The following SBF2 variants were observed in gnomAD, a reference collection of about 807,000 sequenced individuals.
SBF2 encodes the protein myotubularin-related protein 13.
SBF2 carries 112 observed loss-of-function variants against 225.2 expected under a neutral mutation model. The observed-to-expected ratio is 0.50, with a 90% CI of 0.43 to 0.58. SBF2 has a LOEUF of 0.58. Ranked by LOEUF, SBF2 falls within the 20% of genes least tolerant of loss-of-function variation. The probability of loss-of-function intolerance (pLI) is 0.00; values close to 1 mark genes in which losing one functional copy is unlikely to be tolerated. For synonymous variants in SBF2, 763 were observed against 773.3 expected, an observed-to-expected ratio of 0.99 and a Z score of 0.22; for missense variants, 1,996 against 2,206.2, an observed-to-expected ratio of 0.90 and a Z score of 1.91.
In SBF2 at chr11:9,976,558, G is replaced by A. The variant is rs377692041; in HGVS notation, c.1396-8013C>T. Among the ~76,000 whole-genome samples, 14 of 152,094 alleles carry A rather than the reference G, an allele frequency of 9.2e-5. No homozygotes were observed. In the South Asian group the frequency reaches 2.3e-3, roughly 25 times the overall value. On this transcript the variant is annotated intron_variant, in intron 13 of 39. Coordinates refer to ENST00000256190, the MANE Select transcript of SBF2 (RefSeq NM_030962.4). ...GCTGTAGTGCATTATGTTTATGCCC[G>A]TGAATAGCCACTGTACTTCAGCCTG...
intron 17 of SBF2, among the ~76,000 whole-genome samples, chr11:9,893,964 G>A (rs1861039456): frequency 6.6e-6 from 1 of 152,144 alleles, no homozygotes; most frequent in Non-Finnish European, 1.5e-5. Context: ...TAAAATTTCT[G>A]GTCAGGCGTG....
At chr11:9,963,633 T>C in intron 15 of SBF2, 140 bp downstream of exon 15, 1 of 613,786 alleles carries the variant, frequency 1.6e-6, no homozygotes, top group Non-Finnish European at 2.9e-6. Flanking sequence ...ACACTATTCA[T>C]TTAAAATGAT....
intron 6 of SBF2, among the ~76,000 whole-genome samples, chr11:10,010,534 G>T (rs192902329): frequency 6.6e-6 from 1 of 152,304 alleles, no homozygotes; most frequent in African/African-American, 2.4e-5. Flanking sequence ...GTTTGTCAAA[G>T]ATCAGATGGT....
intron 2 of SBF2, among the ~76,000 whole-genome samples, chr11:10,074,121 T>C (rs1445156969): frequency 6.6e-6 from 1 of 152,180 alleles, no homozygotes; most frequent in East Asian, 1.9e-4. Flanking sequence ...TTGAGGCCAG[T>C]AGGTAGACAG....
chr11:10,023,392 C>A (rs927091680), intron 6 of SBF2, among the ~76,000 whole-genome samples: 2 of 152,102 alleles, frequency 1.3e-5, no homozygotes, highest in African/African-American at 2.4e-5. Flanking sequence ...ATTCTCATAC[C>A]ATAAATTCCC....
At chr11:9,844,068 T>C (rs1856366953) in intron 24 of SBF2, among the ~76,000 whole-genome samples, 1 of 152,228 alleles carries the variant, frequency 6.6e-6, no homozygotes, top group Non-Finnish European at 1.5e-5. Flanking sequence ...TGATAGTTTC[T>C]AAATGTAAAA....
chr11:9,830,745 C>CAAAAAAAAAAAAAAAA (rs553674434), intron 27 of SBF2, among the ~76,000 whole-genome samples: 1 of 111,092 alleles, frequency 9.0e-6, no homozygotes. Flanking sequence ...AGCTCAAAAA[C>CAAAAAAAAAAAAAAAA]AAAAAAAAAA....
At chr11:10,267,598 CT>C (rs1320875295) in intron 1 of SBF2, among the ~76,000 whole-genome samples, 3 of 150,908 alleles carry the variant, frequency 2.0e-5, no homozygotes, top group African/African-American at 7.3e-5. Context: ...TCTTTTCTTT[CT>C]TTTTTTTTGA....
intron 13 of SBF2, among the ~76,000 whole-genome samples, chr11:9,984,800 T>C (rs1451189963): frequency 6.6e-6 from 1 of 152,110 alleles, no homozygotes; most frequent in Non-Finnish European, 1.5e-5. Flanking sequence ...GAAACAATTA[T>C]CAGCCAAGAA....
At chr11:10,131,008 CA>C (rs1337267418) in intron 2 of SBF2, among the ~76,000 whole-genome samples, 1 of 152,034 alleles carries the variant, frequency 6.6e-6, no homozygotes, top group Non-Finnish European at 1.5e-5. Flanking sequence ...GGATTCTGTG[CA>C]GAAATAAATT....
chr11:10,256,862 T>A (rs1960907023), intron 1 of SBF2, among the ~76,000 whole-genome samples: 1 of 152,196 alleles, frequency 6.6e-6, no homozygotes, highest in Admixed American at 6.5e-5. Flanking sequence ...GACCCAGTAT[T>A]TATCCCATAT....
intron 16 of SBF2, among the ~76,000 whole-genome samples, chr11:9,908,969 T>C (rs1862355187): frequency 6.6e-6 from 1 of 152,052 alleles, no homozygotes; most frequent in South Asian, 2.1e-4. Context: ...ATTACAGATG[T>C]GAGCCATCAT....
chr11:9,839,755 AG>A (rs1346242301), intron 25 of SBF2, 59 bp from the exon 26 acceptor site: 2 of 1,493,102 alleles, frequency 1.3e-6, no homozygotes, highest in Non-Finnish European at 1.9e-6. Flanking sequence ...TGAGGTCTTC[AG>A]GGTAGTACCT....
chr11:9,888,186 C>T (rs1435861165), intron 17 of SBF2, among the ~76,000 whole-genome samples: 1 of 152,230 alleles, frequency 6.6e-6, no homozygotes, highest in Non-Finnish European at 1.5e-5. Context: ...ATTTTGAAAA[C>T]TATGTTCCCT....
intron 2 of SBF2, among the ~76,000 whole-genome samples, chr11:10,140,215 T>G (rs57761181): frequency 0.25 from 38,703 of 152,002 alleles, 5,083 homozygotes; most frequent in Middle Eastern, 0.32. Flanking sequence ...GTGTCTTTTT[T>G]TATGCTAATG....
At chr11:10,182,781 ATTT>A (rs962286958) in intron 2 of SBF2, among the ~76,000 whole-genome samples, 1 of 143,584 alleles carries the variant, frequency 7.0e-6, no homozygotes, top group Non-Finnish European at 1.5e-5. Flanking sequence ...TTGTTTTTTA[ATTT>A]TTTTTTTTGA....
chr11:10,211,870 T>A (rs1436164656), intron 1 of SBF2, among the ~76,000 whole-genome samples: 1 of 152,224 alleles, frequency 6.6e-6, no homozygotes, highest in East Asian at 1.9e-4. Flanking sequence ...TTCTAGCAAG[T>A]GCCTGTTTCT....
intron 16 of SBF2, 132 bp downstream of exon 16, chr11:9,961,825 T>TA: frequency 1.5e-6 from 1 of 682,116 alleles, no homozygotes; most frequent in Middle Eastern, 3.6e-4. Context: ...ACAGAAATGA[T>TA]AGAGATACTG....
chr11:9,971,182 T>A (rs1208763240), intron 13 of SBF2, among the ~76,000 whole-genome samples: 1 of 152,034 alleles, frequency 6.6e-6, no homozygotes, highest in Non-Finnish European at 1.5e-5. Context: ...CTATATTTTC[T>A]TTATAATAAA....
Sources: allele counts gnomAD v4.1 joint callset (sites outside exome capture counted in the v4.1 genomes callset), GRCh38; gene constraint gnomAD v4.1.1; transcripts MANE v1.5; gene names NCBI Gene and HGNC (gene_info 2026-07-23, HGNC 2026-07-21).